SF1: variants seen among roughly 807,000 people sequenced by gnomAD.
SF1 encodes the protein branch point-binding protein.
In SF1, 7 loss-of-function variants were observed where a neutral mutation model predicts 62.5. The observed-to-expected ratio is 0.11, with a 90% CI of 0.06 to 0.21. The LOEUF is 0.21. SF1 is among the 10% of genes least tolerant of loss of function. The probability of loss-of-function intolerance (pLI) is 1.00; values close to 1 mark genes in which losing one functional copy is unlikely to be tolerated. For synonymous variants in SF1, 394 were observed against 323.6 expected, an observed-to-expected ratio of 1.22 and a Z score of -2.33; for missense variants, 578 against 884.0, an observed-to-expected ratio of 0.65 and a Z score of 4.39.
intron 6 of SF1, 32 bp from the exon 7 acceptor site, chr11:64,769,370 T>C: frequency 6.2e-7 from 1 of 1,613,648 alleles, no homozygotes; most frequent in Non-Finnish European, 8.5e-7. Context: ...GTTAAGTGCT[T>C]AGGGCCTCCA....
chr11:64,768,315 G>A, intron 8 of SF1, 29 bp from the exon 9 acceptor site: 1 of 1,600,956 alleles, frequency 6.2e-7, no homozygotes, highest in Non-Finnish European at 8.5e-7. Flanking sequence ...CACAAACAGA[G>A]AAAGGGGAAA....
chr11:64,771,794 C>G, intron 3 of SF1: 1 of 985,208 alleles, frequency 1.0e-6, no homozygotes, highest in South Asian at 4.7e-5. Context: ...AATAAAGTGG[C>G]TTAAGTGATA....
intron 12 of SF1, 89 bp from the exon 13 acceptor site, chr11:64,766,244 C>A (rs2058658403): frequency 2.2e-6 from 1 of 451,910 alleles, no homozygotes; most frequent in African/African-American, 2.4e-5. Context: ...GCGAGGGGCG[C>A]CTGCTCCTTG....
intron 3 of SF1, chr11:64,770,760 G>GA (rs767537642): frequency 6.6e-5 from 12 of 180,460 alleles, no homozygotes; most frequent in Middle Eastern, 2.3e-3. Flanking sequence ...TCTTCCATTT[G>GA]AAAAAAAATA....
At position 64,765,293 on chromosome 11, in the gene SF1, G is replaced by C. The variant is rs1372947075; in HGVS notation, c.*525C>G. The C allele has an allele frequency of 4.8e-6, 3 of 621,646 alleles. No homozygotes were observed. The East Asian group carries it at 8.3e-5, about 17-fold the overall frequency. The allele number at this position is 621,646 out of a possible 1,614,324, so 38.5% of individuals were successfully genotyped here. A position where few individuals can be genotyped will look rare whatever the true frequency, so the allele number is the denominator to read the frequency against. ...TCTCCTTGGACGGAGTCTGAAGAAA[G>C]GAAAAGATAAAGAAGTAACAAAGGA... On this transcript the variant is annotated 3_prime_UTR_variant, in exon 13 of 13. Transcript: ENST00000377390.
chr11:64,767,043 G>A lies in SF1; in HGVS notation c.1439C>T (p.Pro480Leu), dbSNP rs766563165. The change falls in exon 12 of 13, where the codon CCG (proline) becomes CTG (leucine). Residue 480 changes from proline to leucine, a missense_variant. Physicochemically the swap from Pro to Leu is moderately conservative, Grantham distance 98. This residue lies in a region of SF1 where 410 missense variants were observed against 452.4 expected (regional missense o/e 0.91). Transcript: ENST00000377390. ...CTGCCCACTGGGAGGCGGCGGCGGCGGCGGCATCATGCCCATAGGTGGTGG... is the reference window on the plus strand; with the variant it reads ...CTGCCCACTGGGAGGCGGCGGCGGCAGCGGCATCATGCCCATAGGTGGTGG... ...MPPPPMGMMP[P>L]PPPPPSGQPP... 34 of 1,557,330 alleles carry A rather than the reference G, an allele frequency of 2.2e-5. No homozygotes were observed. Among genetic ancestry groups the A allele is most frequent in the Non-Finnish European group, 2.7e-5 (31 of 1,149,956 alleles).
chr11:64,772,714 C>A (rs923604106), intron 3 of SF1: 1 of 985,376 alleles, frequency 1.0e-6, no homozygotes. Flanking sequence ...AAGTTCATCT[C>A]CCCCACACAA....
At chr11:64,778,244 G>T (rs1400908614) in intron 1 of SF1, 118 bp downstream of exon 1, 1 of 1,199,842 alleles carries the variant, frequency 8.3e-7, no homozygotes, top group East Asian at 3.4e-5. Flanking sequence ...CACGGGCGGG[G>T]GCGGCGGCGG....
At chr11:64,768,764 G>C (rs1307177569) in intron 8 of SF1, among the ~76,000 whole-genome samples, 1 of 152,190 alleles carries the variant, frequency 6.6e-6, no homozygotes, top group Non-Finnish European at 1.5e-5. Flanking sequence ...AACAGCAAAA[G>C]CAGTGAATTT....
At chr11:64,772,212 T>C in intron 3 of SF1, 1 of 985,250 alleles carries the variant, frequency 1.0e-6, no homozygotes, top group Non-Finnish European at 1.2e-6. Context: ...GAAGGTTTGT[T>C]AAAAATTCAA....
chr11:64,767,357 A>G (rs2058752644), intron 10 of SF1, 106 bp from the exon 11 acceptor site: 9 of 1,228,842 alleles, frequency 7.3e-6, no homozygotes, highest in Admixed American at 1.7e-5. Context: ...TCTGAAAACC[A>G]TGCCTGTAAA....
chr11:64,777,133 C>G (rs1939407478), intron 1 of SF1, among the ~76,000 whole-genome samples: 1 of 152,230 alleles, frequency 6.6e-6, no homozygotes, highest in Non-Finnish European at 1.5e-5. Context: ...AATTCTTCAA[C>G]AAGATCACCT....
intron 9 of SF1, 49 bp downstream of exon 9, chr11:64,768,057 C>A: frequency 1.9e-6 from 3 of 1,567,652 alleles, no homozygotes; most frequent in South Asian, 1.2e-5. Context: ...CCAGTCTCTG[C>A]AGTAGAGAAT....
At chr11:64,774,961 CAAAA>C (rs201621861) in intron 2 of SF1, among the ~76,000 whole-genome samples, 3 of 99,052 alleles carry the variant, frequency 3.0e-5, no homozygotes, top group Admixed American at 9.8e-5. Context: ...CTCAGTCTCT[CAAAA>C]AAAAAAAAAA....
chr11:64,768,303 G>T lies in SF1; in HGVS notation c.888-17C>A. ...TCACCAGGCCTGAAGTGGGGTGGGG[G>T]ACACAAACAGAGAAAGGGGAAAAAC... On this transcript the variant is annotated splice_polypyrimidine_tract_variant and intron_variant, in intron 8 of 12. Coordinates refer to ENST00000377390, the MANE Select transcript of SF1 (RefSeq NM_004630.4). The T allele has an allele frequency of 6.2e-7, 1 of 1,608,102 alleles. No homozygotes were observed. Among genetic ancestry groups the T allele is most frequent in the South Asian group, 1.1e-5 (1 of 90,044 alleles).
At chr11:64,773,529 G>GA (rs747732188) in intron 2 of SF1, 24 bp from the exon 3 acceptor site, 45 of 1,582,690 alleles carry the variant, frequency 2.8e-5, no homozygotes, top group Admixed American at 5.9e-5. Flanking sequence ...GGTTAGGAAA[G>GA]AAAAAAAAGG....
intron 3 of SF1, chr11:64,771,582 A>G (rs557249510): frequency 2.7e-5 from 27 of 985,448 alleles, no homozygotes; most frequent in East Asian, 1.1e-4. Context: ...CGATGGAATA[A>G]AAGGTCAGGT....
chr11:64,773,796 T>C (rs565084709), intron 2 of SF1, among the ~76,000 whole-genome samples: 2 of 152,294 alleles, frequency 1.3e-5, no homozygotes, highest in African/African-American at 4.8e-5. Flanking sequence ...AAGCAATTAT[T>C]AGGAGGTGTT....
At chr11:64,770,564 G>T in intron 3 of SF1, 156 bp from the exon 4 acceptor site, 1 of 750,504 alleles carries the variant, frequency 1.3e-6, no homozygotes, top group Non-Finnish European at 2.1e-6. Flanking sequence ...AGATCGTGTG[G>T]AATGGGGAGA....
Sources: allele counts gnomAD v4.1 joint callset (sites outside exome capture counted in the v4.1 genomes callset), GRCh38; gene constraint gnomAD v4.1.1; regional missense constraint gnomAD v4.1.1; transcripts MANE v1.5; gene names NCBI Gene and HGNC (gene_info 2026-07-23, HGNC 2026-07-21).